PCLO: variants seen among roughly 807,000 people sequenced by gnomAD.
PCLO encodes protein piccolo.
In PCLO, 82 loss-of-function variants were observed where a neutral mutation model predicts 427.5. That is an observed-to-expected ratio of 0.19 (90% confidence interval 0.16 to 0.23). The LOEUF (loss-of-function observed/expected upper bound fraction) is 0.23, where lower values mean the gene tolerates loss of function less well. PCLO is among the 10% of genes least tolerant of loss of function. The pLI, the probability that PCLO is intolerant of heterozygous loss-of-function variation, is 1.00. For synonymous variants in PCLO, 2,357 were observed against 2,155.4 expected, an observed-to-expected ratio of 1.09 and a Z score of -2.59; for missense variants, 6,239 against 6,115.9, an observed-to-expected ratio of 1.02 and a Z score of -0.67.
intron 10 of PCLO, among the ~76,000 whole-genome samples, chr7:82,849,374 G>T (rs995951880): frequency 1.3e-5 from 2 of 152,046 alleles, no homozygotes; most frequent in African/African-American, 4.8e-5. Flanking sequence ...ATGCACCAAT[G>T]GAAATTCTTT....
chr7:82,923,512 TCC>T (rs1794644759), intron 6 of PCLO, among the ~76,000 whole-genome samples: 2 of 152,078 alleles, frequency 1.3e-5, no homozygotes, highest in Non-Finnish European at 2.9e-5. Context: ...CCATGTGAAA[TCC>T]CAGGGCAAAC....
At chr7:82,789,283 A>T (rs778535997) in intron 22 of PCLO, among the ~76,000 whole-genome samples, 3 of 152,236 alleles carry the variant, frequency 2.0e-5, no homozygotes, top group Non-Finnish European at 4.4e-5. Context: ...TGTAAAAAAT[A>T]GTTGAATCAA....
rs1309978593 is a variant in PCLO, at chr7:82,950,502, A to C, written c.10086T>G (p.Val3362=). The C allele has an allele frequency of 6.2e-7, 1 of 1,613,856 alleles. No individual in the cohort carries two copies. The change falls in exon 6 of 25, where the codon GTT becomes GTG. Residue 3362 remains valine, a synonymous_variant. Coordinates refer to ENST00000333891, the MANE Select transcript of PCLO (RefSeq NM_033026.6). ...TEDATTTASA[V]VAIEIPQSQG... Reference sequence around the variant, plus strand: ...GGCTTTGTGGTATTTCAATTGCCACAACAGCTGAAGCTGTGGTGGTTGCAT... The same window carrying C: ...GGCTTTGTGGTATTTCAATTGCCACCACAGCTGAAGCTGTGGTGGTTGCAT...
chr7:83,047,917 G>C (rs1357774480), intron 3 of PCLO, among the ~76,000 whole-genome samples: 23 of 151,654 alleles, frequency 1.5e-4, no homozygotes, highest in Non-Finnish European at 1.2e-4. Context: ...CCCACCTCAA[G>C]GATACACCAC....
At chr7:83,020,184 C>T (rs1339970482) in intron 3 of PCLO, among the ~76,000 whole-genome samples, 1 of 151,762 alleles carries the variant, frequency 6.6e-6, no homozygotes, top group Non-Finnish European at 1.5e-5. Flanking sequence ...TAGTTTGACC[C>T]CTAAGTGTTT....
At chr7:83,153,063 G>A (rs767726503) in intron 2 of PCLO, among the ~76,000 whole-genome samples, 1 of 151,746 alleles carries the variant, frequency 6.6e-6, no homozygotes, top group Non-Finnish European at 1.5e-5. Flanking sequence ...ACACTATAAA[G>A]TGATCATCTA....
chr7:83,100,866 T>C lies in PCLO; in HGVS notation c.3300+33384A>G, dbSNP rs1790720087. On this transcript the variant is annotated intron_variant, in intron 3 of 24. Transcript: ENST00000333891. ...AATTTATATATTCTGGATATTGGAA[T>C]TATTCTAAAACAACAAATCAATACA... Among the ~76,000 whole-genome samples, 4 of 152,172 alleles carry C rather than the reference T, an allele frequency of 2.6e-5. No homozygotes were observed. The South Asian group carries it at 8.3e-4, about 31-fold the overall frequency.
rs950288829 is a variant in PCLO, at chr7:83,019,851, G to C, written c.3301-53364C>G. Among the ~76,000 whole-genome samples, 7 of 152,140 alleles carry C rather than the reference G, an allele frequency of 4.6e-5. No homozygotes were observed. The South Asian group carries it at 1.5e-3, about 32-fold the overall frequency. ...GGCAAAGACTGAAGCAGCGGCAAAG[G>C]AAATTTAAATACCAGAAAGATTCAA... On this transcript the variant is annotated intron_variant, in intron 3 of 24. Transcript: ENST00000333891.
chr7:83,042,775 T>C (rs1331254357), intron 3 of PCLO, among the ~76,000 whole-genome samples: 3 of 152,046 alleles, frequency 2.0e-5, no homozygotes, highest in African/African-American at 7.2e-5. Context: ...GGCAGGAGAA[T>C]TGCTTGAACC....
rs556164741 is a variant in PCLO, at chr7:82,801,193, A to G, written c.15007+325T>C. ...CTATTTGCATGATATTTTAAACAAA[A>G]TATATGTTATATTTTTAAGTTCAAG... On this transcript the variant is annotated intron_variant, in intron 22 of 24. Transcript: ENST00000333891. 2.2e-4 allele frequency among the ~76,000 whole-genome samples: 33 copies of G among 148,402 alleles called. 2 individuals carry two copies. Among genetic ancestry groups the G allele is most frequent in the African/African-American group, 7.1e-4 (29 of 41,012 alleles).
rs761208310 is a variant in PCLO at position 82,949,527 on chromosome 7, T to C, written c.11061A>G (p.Pro3687=). 6.2e-7 allele frequency: 1 copy of C among 1,613,184 alleles called. No individual in the cohort carries two copies. Among genetic ancestry groups the C allele is most frequent in the Non-Finnish European group, 8.5e-7 (1 of 1,179,524 alleles). Residue 3687 remains proline, a synonymous_variant, in exon 6 of 25, where the codon CCA becomes CCG. Coordinates refer to ENST00000333891, the MANE Select transcript of PCLO (RefSeq NM_033026.6). ...GAGCCCTGGAACTTTCGTCTGCTGTTGGACTCAGAGGCTTGGGGTCAGACA... is the reference window on the plus strand; with the variant it reads ...GAGCCCTGGAACTTTCGTCTGCTGTCGGACTCAGAGGCTTGGGGTCAGACA... The part of the protein sequence containing the change: ...RSMSDPKPLS[P]TADESSRAPF...
chr7:83,043,845 C>A (rs954855675), intron 3 of PCLO, among the ~76,000 whole-genome samples: 1 of 147,262 alleles, frequency 6.8e-6, no homozygotes, highest in Non-Finnish European at 1.5e-5. Context: ...GAAGAGAAAT[C>A]ATAACCTTGT....
intron 3 of PCLO, among the ~76,000 whole-genome samples, chr7:82,996,982 C>T (rs1402888951): frequency 6.6e-6 from 1 of 151,960 alleles, no homozygotes. Flanking sequence ...TTAAAAAGAA[C>T]AGTCCTCCAC....
chr7:83,083,717 T>C (rs1442184373), intron 3 of PCLO, among the ~76,000 whole-genome samples: 4 of 152,088 alleles, frequency 2.6e-5, no homozygotes, highest in South Asian at 2.1e-4. Flanking sequence ...AGTCTACATG[T>C]AGAAAAAGCA....
intron 22 of PCLO, among the ~76,000 whole-genome samples, chr7:82,783,616 G>A (rs909425359): frequency 6.6e-6 from 1 of 151,574 alleles, no homozygotes. Context: ...AGCGAGACTC[G>A]GTCTCAAAAC....
intron 8 of PCLO, among the ~76,000 whole-genome samples, chr7:82,903,706 T>A (rs1794115040): frequency 6.6e-6 from 1 of 151,900 alleles, no homozygotes; most frequent in African/African-American, 2.4e-5. Flanking sequence ...CATAGGAAAA[T>A]TTTTGACTTA....
chr7:82,998,246 G>A (rs1338258509), intron 3 of PCLO, among the ~76,000 whole-genome samples: 2 of 151,884 alleles, frequency 1.3e-5, no homozygotes, highest in Non-Finnish European at 2.9e-5. Flanking sequence ...GCTTTTATTT[G>A]TTTTATCAGC....
chr7:83,049,582 T>C (rs189017666), intron 3 of PCLO, among the ~76,000 whole-genome samples: 1 of 152,118 alleles, frequency 6.6e-6, no homozygotes, highest in Non-Finnish European at 1.5e-5. Flanking sequence ...ACAGCAAGGG[T>C]CTAGGGTCTG....
chr7:82,965,856 T>G lies in PCLO; in HGVS notation c.3932A>C (p.Asp1311Ala). 1 of 1,613,958 alleles carries G rather than the reference T, an allele frequency of 6.2e-7. No individual in the cohort carries two copies. Among genetic ancestry groups the G allele is most frequent in the Non-Finnish European group, 8.5e-7 (1 of 1,179,862 alleles). The change falls in exon 4 of 25, where the codon GAT becomes GCT. Residue 1311 changes from aspartate to alanine, a missense_variant. By Grantham distance (126) the Asp-to-Ala change is moderately radical. Around this residue, in one of 5 missense-constraint regions of PCLO, gnomAD observed 4,677 missense variants for 4,468.4 expected, o/e 1.05. Coordinates refer to ENST00000333891, the MANE Select transcript of PCLO (RefSeq NM_033026.6). ...TTCTTTTATTGTTTTGGTTGTCTTA[T>G]CATCTTCTTTAGGTAAACTCTGAGG... is the stretch of plus-strand genomic sequence containing the variant. Reference protein sequence around the residue: ...GTPQSLPKEDDKTTKTIKEQP... With the variant: ...GTPQSLPKEDAKTTKTIKEQP...
Sources: gnomAD v4.1 joint callset for allele counts (sites outside exome capture counted in the v4.1 genomes callset) on GRCh38, gnomAD v4.1.1 for gene constraint, gnomAD v4.1.1 regional missense constraint, MANE v1.5 for transcripts, NCBI Gene and HGNC (gene_info 2026-07-23, HGNC 2026-07-21) for gene names.